Variants in FBXL12 observed in about 807,000 individuals in gnomAD.
The protein encoded by FBXL12 is F-box and leucine rich repeat protein 12.
FBXL12 carries 22 observed loss-of-function variants against 24.9 expected under a neutral mutation model. The observed-to-expected ratio is 0.88, with a 90% CI of 0.63 to 1.26. FBXL12 has a LOEUF of 1.26. Ranked by LOEUF, FBXL12 falls within the 50% of genes most tolerant of loss-of-function variation. The pLI is 0.00. For synonymous variants in FBXL12, 193 were observed against 193.8 expected (o/e 1.00, Z 0.03); for missense variants, 384 against 434.1 (o/e 0.88, Z 1.03).
At position 9,811,267 on chromosome 19, in the gene FBXL12, G is replaced by A; in HGVS notation, c.610C>T (p.Leu204=). 6.2e-7 allele frequency: 1 copy of A among 1,611,370 alleles called. No homozygotes were observed. Among genetic ancestry groups the A allele is most frequent in the Non-Finnish European group, 8.5e-7 (1 of 1,179,992 alleles). ...LDAGLQELSY[L]QRLEVLGCTL... is the part of the protein sequence containing the mutation. ...CAGCCCAGCACCTCAAGCCTCTGCA[G>A]ATAGCTGAGCTCCTGCAGGCCAGCA... The change falls in exon 3 of 3, where the codon CTG becomes TTG. Residue 204 remains leucine, a synonymous_variant. Transcript: ENST00000247977. This position sits in a 1 kb window ranked among gnomAD's most constrained non-coding sequence, Gnocchi z 6.0.
chr19:9,819,038 G>A lies in FBXL12; in HGVS notation c.-225C>T, dbSNP rs939593477. On this transcript the variant is annotated 5_prime_UTR_variant, in exon 1 of 3. Coordinates refer to ENST00000247977, the MANE Select transcript of FBXL12 (RefSeq NM_017703.3). ...CTGAGGCAGTGAGAGGCTTGCGGGA[G>A]GTGGCTGAGGCGTGATTTGGCCGCG... 4 of 585,550 alleles carry A rather than the reference G, an allele frequency of 6.8e-6. No individual in the cohort carries two copies. The highest frequency in any genetic ancestry group is 2.9e-5 in the East Asian group (1 of 34,970). The allele number at this position is 585,550 out of a possible 1,614,324, so 36.3% of individuals were successfully genotyped here.
Position 9,818,852 on chromosome 19 carries a change from A to T in FBXL12, c.-39T>A. Reference sequence around the variant, plus strand: ...CGCACTTCCGCTTCCGGTTAAAGAGACCCGAGGGGTCCTGGGGGCGCCGAG... The same window carrying T: ...CGCACTTCCGCTTCCGGTTAAAGAGTCCCGAGGGGTCCTGGGGGCGCCGAG... On this transcript the variant is annotated 5_prime_UTR_variant, in exon 1 of 3. Coordinates refer to ENST00000247977, the MANE Select transcript of FBXL12 (RefSeq NM_017703.3). The T allele has an allele frequency of 1.3e-6, 2 of 1,525,914 alleles. No homozygotes were observed. The highest frequency in any genetic ancestry group is 1.8e-6 in the Non-Finnish European group (2 of 1,126,822). 94.5% of individuals were successfully genotyped at this position (1,525,914 alleles called of 1,614,324 possible).
At chr19:9,816,410 G>A (rs1436319783) in intron 2 of FBXL12, among the ~76,000 whole-genome samples, 3 of 152,108 alleles carry the variant, frequency 2.0e-5, no homozygotes, top group Non-Finnish European at 4.4e-5. Flanking sequence ...CCTCTTGAAT[G>A]CTTTGCCACT....
chr19:9,814,224 G>T, intron 2 of FBXL12: 1 of 160,894 alleles, frequency 6.2e-6, no homozygotes, highest in South Asian at 1.9e-4. Flanking sequence ...AAATGAGAAA[G>T]AAGCCCGGGC....
chr19:9,814,349 T>C, intron 2 of FBXL12: 1 of 151,466 alleles, frequency 6.6e-6, no homozygotes. Context: ...TCTACTAAAA[T>C]ACAAAAAAAA....
intron 2 of FBXL12, among the ~76,000 whole-genome samples, chr19:9,815,754 A>G (rs2045868312): frequency 6.6e-6 from 1 of 151,730 alleles, no homozygotes; most frequent in African/African-American, 2.4e-5. Flanking sequence ...TCCCGGGTTC[A>G]AGCGATTCTC....
In FBXL12 at chr19:9,819,058, G is replaced by A; in HGVS notation, c.-245C>T. ...CGGGAGGTGGCTGAGGCGTGATTTGGCCGCGACTGGGAACTAAGACCAAGT... is the reference window on the plus strand; with the variant it reads ...CGGGAGGTGGCTGAGGCGTGATTTGACCGCGACTGGGAACTAAGACCAAGT... On this transcript the variant is annotated 5_prime_UTR_variant, in exon 1 of 3. Coordinates refer to ENST00000247977, the MANE Select transcript of FBXL12 (RefSeq NM_017703.3). 1 of 571,094 alleles carries A rather than the reference G, an allele frequency of 1.8e-6. No individual in the cohort carries two copies. The highest frequency in any genetic ancestry group is 3.1e-6 in the Non-Finnish European group (1 of 319,026). 35.4% of individuals were successfully genotyped at this position (571,094 alleles called of 1,614,324 possible).
intron 2 of FBXL12, chr19:9,813,264 C>T: frequency 7.3e-6 from 9 of 1,231,048 alleles, no homozygotes; most frequent in Non-Finnish European, 9.1e-6. Flanking sequence ...CTCTACTTGG[C>T]ATCATAGGGC....
In FBXL12 at chr19:9,818,142, G is replaced by A. The variant is rs1599432638; in HGVS notation, c.159+403C>T. ...CGAGAGGATCGCTTGAGCTTGGGAG[G>A]TCGAGGCTGCAATCGCACCACTGCA... is the stretch of plus-strand genomic sequence containing the variant. On this transcript the variant is annotated intron_variant, in intron 2 of 2. Coordinates refer to ENST00000247977, the MANE Select transcript of FBXL12 (RefSeq NM_017703.3). The A allele has an allele frequency of 6.5e-5, 26 of 401,966 alleles. No homozygotes were observed. In the East Asian group the frequency reaches 9.3e-4, roughly 14 times the overall value. The allele number at this position is 401,966 out of a possible 1,614,324, so 24.9% of individuals were successfully genotyped here.
In FBXL12 at chr19:9,818,835, C is replaced by T. The variant is rs2045942190; in HGVS notation, c.-22G>A. The T allele has an allele frequency of 6.5e-7, 1 of 1,545,340 alleles. No individual in the cohort carries two copies. Among genetic ancestry groups the T allele is most frequent in the South Asian group, 1.2e-5 (1 of 83,920 alleles). ...CCATGATCCCGCCGACACGCACTTC[C>T]GCTTCCGGTTAAAGAGACCCGAGGG... On this transcript the variant is annotated 5_prime_UTR_variant, in exon 1 of 3. Coordinates refer to ENST00000247977, the MANE Select transcript of FBXL12 (RefSeq NM_017703.3).
At chr19:9,818,436 C>T in intron 2 of FBXL12, 109 bp downstream of exon 2, 1 of 1,256,650 alleles carries the variant, frequency 8.0e-7, no homozygotes, top group African/African-American at 1.5e-5. Flanking sequence ...TCGCCTGGCT[C>T]TAAATCCCCA....
At position 9,811,018 on chromosome 19, in the gene FBXL12, G is replaced by C. The variant is rs763281742; in HGVS notation, c.859C>G (p.Leu287Val). 6.2e-7 allele frequency: 1 copy of C among 1,600,054 alleles called. No homozygotes were observed. The highest frequency in any genetic ancestry group is 1.7e-5 in the Admixed American group (1 of 59,748). Residue 287 changes from leucine (L) to valine (V), a missense_variant, in exon 3 of 3, where the codon CTT (leucine) becomes GTT (valine). Leu to Val is a conservative substitution (Grantham distance 32). Coordinates refer to ENST00000247977, the MANE Select transcript of FBXL12 (RefSeq NM_017703.3). The surrounding 1 kb of genome is among the most constrained non-coding windows in gnomAD (Gnocchi z 6.0). Reference sequence around the variant, plus strand: ...TCCCACCCCAGCCCCTGCAGCTCAAGGACTCTGAGCTTGGGCATAGTGAGG... The same window carrying C: ...TCCCACCCCAGCCCCTGCAGCTCAACGACTCTGAGCTTGGGCATAGTGAGG... ...SCLTMPKLRV[L>V]ELQGLGWEGQ...
chr19:9,813,238 T>A, intron 2 of FBXL12: 2 of 1,231,186 alleles, frequency 1.6e-6, no homozygotes, highest in Non-Finnish European at 2.0e-6. Flanking sequence ...TACATCTGCC[T>A]TTTATTGCTG....
Position 9,818,592 on chromosome 19 carries a change from C to G in FBXL12, c.112G>C (p.Val38Leu). 2 of 1,555,098 alleles carry G rather than the reference C, an allele frequency of 1.3e-6. No individual in the cohort carries two copies. The highest frequency in any genetic ancestry group is 1.7e-6 in the Non-Finnish European group (2 of 1,150,610). ...TGTCGCCACAGCCACCGGTCGTCCACCAGCCTCTTCCAGCGGTGACAGACC... is the reference window on the plus strand; with the variant it reads ...TGTCGCCACAGCCACCGGTCGTCCAGCAGCCTCTTCCAGCGGTGACAGACC... ...SRVCHRWKRL[V>L]DDRWLWRHVD... is the part of the protein sequence containing the mutation. The change falls in exon 2 of 3, where the codon GTG (valine) becomes CTG (leucine). Residue 38 changes from valine to leucine, a missense_variant. Physicochemically the swap from Val to Leu is conservative, Grantham distance 32. Transcript: ENST00000247977.
chr19:9,813,697 G>T (rs777400197), intron 2 of FBXL12, among the ~76,000 whole-genome samples: 1 of 151,934 alleles, frequency 6.6e-6, no homozygotes, highest in South Asian at 2.1e-4. Context: ...GTAGAGACGC[G>T]GTTTCACCAT....
At chr19:9,814,203 G>A (rs2045827099) in intron 2 of FBXL12, 1 of 163,212 alleles carries the variant, frequency 6.1e-6, no homozygotes, top group Non-Finnish European at 1.3e-5. Flanking sequence ...TTACATGGCG[G>A]CAGCAAGAGA....
chr19:9,817,360 C>A (rs932450774), intron 2 of FBXL12, among the ~76,000 whole-genome samples: 1 of 152,202 alleles, frequency 6.6e-6, no homozygotes, highest in Non-Finnish European at 1.5e-5. Flanking sequence ...GGAATCAAAT[C>A]TTCCTTGCCA....
rs1158231778 is a variant in FBXL12 at position 9,818,530 on chromosome 19, G to A, written c.159+15C>T. On this transcript the variant is annotated intron_variant, in intron 2 of 2. Coordinates refer to ENST00000247977, the MANE Select transcript of FBXL12 (RefSeq NM_017703.3). ...CGCGACCGCGGCCCAGGCCCGCCCG[G>A]CCAGCTGCGCGTACCGTGTAGAGCG... The A allele has an allele frequency of 1.9e-6, 3 of 1,541,296 alleles. No homozygotes were observed. Among genetic ancestry groups the A allele is most frequent in the East Asian group, 2.4e-5 (1 of 41,204 alleles).
chr19:9,816,576 G>C lies in FBXL12; in HGVS notation c.159+1969C>G, dbSNP rs558251222. ...CCCAACAAGTTTCTCATCTCCATCT[G>C]AGACCACCTCAGCCTGGACCTTATT... On this transcript the variant is annotated intron_variant, in intron 2 of 2. Transcript: ENST00000247977. 2.6e-5 allele frequency among the ~76,000 whole-genome samples: 4 copies of C among 152,212 alleles called. No individual in the cohort carries two copies. The East Asian group carries it at 7.7e-4, about 29-fold the overall frequency.
Sources: allele counts gnomAD v4.1 joint callset (sites outside exome capture counted in the v4.1 genomes callset), GRCh38; gene constraint gnomAD v4.1.1; non-coding constraint Gnocchi (gnomAD v3.1); transcripts MANE v1.5; gene names NCBI Gene and HGNC (gene_info 2026-07-23, HGNC 2026-07-21).